NLRP11: variants seen among roughly 807,000 people sequenced by gnomAD.
NLRP11 encodes NLR family pyrin domain containing 11.
Under a neutral mutation model 79.3 loss-of-function variants are expected in NLRP11, and 53 were observed. The ratio of observed to expected loss-of-function variants is 0.67; its 90% CI spans 0.54 to 0.84. NLRP11 has a LOEUF of 0.84. Among genes scored for constraint, NLRP11 ranks in the 40% least tolerant of loss-of-function variants. The pLI is 0.00. For synonymous variants in NLRP11, 518 were observed against 462.6 expected, an observed-to-expected ratio of 1.12 and a Z score of -1.54; for missense variants, 1,264 against 1,255.0, an observed-to-expected ratio of 1.01 and a Z score of -0.11.
rs1989813060 is a variant in NLRP11 at position 55,785,520 on chromosome 19, C to G, written c.*105G>C. 4 of 997,280 alleles carry G rather than the reference C, an allele frequency of 4.0e-6. No individual in the cohort carries two copies. The South Asian group carries it at 6.4e-5, about 16-fold the overall frequency. The allele number at this position is 997,280 out of a possible 1,614,324, so 61.8% of individuals were successfully genotyped here. ...ACACACACACACACACACACACACA[C>G]ACACACACACACACACACATCAAAT... On this transcript the variant is annotated 3_prime_UTR_variant, in exon 10 of 10. Transcript: ENST00000589093.
In NLRP11 at chr19:55,789,364, T is replaced by C. The variant is rs769289325; in HGVS notation, c.2549A>G (p.Gln850Arg). 39 of 1,614,008 alleles carry C rather than the reference T, an allele frequency of 2.4e-5. No individual in the cohort carries two copies. The Admixed American group carries it at 5.7e-4, about 23-fold the overall frequency. The change falls in exon 8 of 10, where the codon CAA becomes CGA. Residue 850 changes from glutamine to arginine, a missense_variant. Gln to Arg is a conservative substitution (Grantham distance 43, BLOSUM62 1). Transcript: ENST00000589093. ...AGTAGCAATAACTATGGCAATATAT[T>C]GACAGATATCGCTGCTAAAGAAACA...
intron 9 of NLRP11, among the ~76,000 whole-genome samples, chr19:55,786,307 T>G (rs979854281): frequency 6.6e-6 from 1 of 152,076 alleles, no homozygotes; most frequent in African/African-American, 2.4e-5. Flanking sequence ...GCAGATCACT[T>G]GAGCTCAGGA....
At chr19:55,811,181 T>C (rs1225461410) in intron 2 of NLRP11, among the ~76,000 whole-genome samples, 2 of 152,142 alleles carry the variant, frequency 1.3e-5, no homozygotes, top group East Asian at 1.9e-4. Flanking sequence ...TAAATGAAAT[T>C]GTATGGAATA....
intron 1 of NLRP11, among the ~76,000 whole-genome samples, chr19:55,826,414 G>A (rs202227540): frequency 0.073 from 9,959 of 137,026 alleles, 489 homozygotes; most frequent in East Asian, 0.2. Flanking sequence ...TTCTGGCCAG[G>A]GCAATTAGGC....
At chr19:55,831,100 ACCCCCCCCAT>A (rs1982728461) in intron 1 of NLRP11, among the ~76,000 whole-genome samples, 1 of 27,522 alleles carries the variant, frequency 3.6e-5, no homozygotes, top group Non-Finnish European at 7.0e-5. Flanking sequence ...CCACCGCCCC[ACCCCCCCCAT>A]CCCCCCCACC....
At chr19:55,807,918 A>G (rs753421112) in exon 4 of NLRP11, 2 of 1,612,480 alleles carry the variant, frequency 1.2e-6, no homozygotes, top group Middle Eastern at 1.6e-4. Context: ...CTGAAATACC[A>G]TTAAGGTCAT....
intron 1 of NLRP11, among the ~76,000 whole-genome samples, 159 bp from the exon 2 acceptor site, chr19:55,818,395 C>T (rs182547337): frequency 1.3e-5 from 2 of 152,110 alleles, no homozygotes; most frequent in Admixed American, 1.3e-4. Flanking sequence ...ATGGCCTTGT[C>T]GACTGATCTT....
At position 55,823,990 on chromosome 19, in the gene NLRP11, A is replaced by T. The variant is rs1311364515; in HGVS notation, c.-62-5754T>A. Among the ~76,000 whole-genome samples, 3 of 119,810 alleles carry T rather than the reference A, an allele frequency of 2.5e-5. No homozygotes were observed. The East Asian group carries it at 7.5e-4, about 30-fold the overall frequency. The allele number at this position is 119,810 out of a possible 152,430, so 78.6% of individuals were successfully genotyped here. On this transcript the variant is annotated intron_variant, in intron 1 of 9. Coordinates refer to ENST00000589093, the Ensembl canonical transcript of NLRP11. ...ATTCACCAAAGTTGAAATGAAGGAA[A>T]AAATGTTAAGGGCAGCCAGAGAGAA... is the stretch of plus-strand genomic sequence containing the variant.
At chr19:55,795,297 G>A (rs1453934955) in intron 6 of NLRP11, among the ~76,000 whole-genome samples, 1 of 151,996 alleles carries the variant, frequency 6.6e-6, no homozygotes, top group Non-Finnish European at 1.5e-5. Flanking sequence ...AGACTCAGGG[G>A]AAAAAATCCT....
intron 1 of NLRP11, among the ~76,000 whole-genome samples, chr19:55,822,839 G>A (rs1184539988): frequency 1.3e-5 from 2 of 152,146 alleles, no homozygotes; most frequent in African/African-American, 4.8e-5. Flanking sequence ...CTGGGGGAGG[G>A]GCGCCCGCCA....
chr19:55,815,087 A>G (rs1047555252), intron 2 of NLRP11, among the ~76,000 whole-genome samples: 12 of 139,438 alleles, frequency 8.6e-5, no homozygotes, highest in Non-Finnish European at 1.8e-4. Context: ...AAAATAGAGA[A>G]CATAGACAGA....
intron 2 of NLRP11, among the ~76,000 whole-genome samples, chr19:55,811,836 C>CTTGT (rs1159660564): frequency 1.3e-5 from 2 of 151,964 alleles, no homozygotes; most frequent in African/African-American, 4.8e-5. Flanking sequence ...TATCTGTTTT[C>CTTGT]TTGTTATGCA....
At chr19:55,817,261 T>C (rs1981217362) in intron 2 of NLRP11, among the ~76,000 whole-genome samples, 1 of 152,116 alleles carries the variant, frequency 6.6e-6, no homozygotes, top group Admixed American at 6.6e-5. Flanking sequence ...TGAAAACCAG[T>C]GTGACTATTC....
At chr19:55,796,936 G>A (rs558797734) in intron 5 of NLRP11, among the ~76,000 whole-genome samples, 29 of 152,136 alleles carry the variant, frequency 1.9e-4, no homozygotes, top group Admixed American at 5.2e-4. Context: ...GGATCCACCC[G>A]CCTCGGCCTC....
At chr19:55,788,363 C>CA (rs1555800930) in intron 9 of NLRP11, among the ~76,000 whole-genome samples, 2 of 140,722 alleles carry the variant, frequency 1.4e-5, no homozygotes, top group African/African-American at 2.6e-5. Context: ...AGAGGAAAGA[C>CA]TTTTTTTTTT....
intron 2 of NLRP11, among the ~76,000 whole-genome samples, chr19:55,810,584 C>T (rs1033341615): frequency 6.6e-6 from 1 of 152,260 alleles, no homozygotes; most frequent in African/African-American, 2.4e-5. Context: ...ACAGCCTCCA[C>T]CTCCCAGGTT....
At chr19:55,822,711 A>G (rs1346799674) in intron 1 of NLRP11, among the ~76,000 whole-genome samples, 1 of 152,202 alleles carries the variant, frequency 6.6e-6, no homozygotes, top group East Asian at 1.9e-4. Context: ...TGACTGGCTT[A>G]AAAAACGGCG....
intron 2 of NLRP11, 70 bp from the exon 3 acceptor site, chr19:55,810,408 G>A (rs1980493753): frequency 3.6e-6 from 5 of 1,395,912 alleles, no homozygotes; most frequent in Non-Finnish European, 4.9e-6. Flanking sequence ...AACAGTTTTA[G>A]CTTCTTTTCA....
chr19:55,811,087 G>A lies in NLRP11; in HGVS notation c.272-749C>T, dbSNP rs118085731. Among the ~76,000 whole-genome samples the A allele has an allele frequency of 8.8e-3, 1,342 of 152,246 alleles. 5 individuals are homozygous for A. Among genetic ancestry groups the A allele is most frequent in the Non-Finnish European group, 0.014 (982 of 68,020 alleles). ...TATTACATCTTGGCCCATCAGTCAT[G>A]AGTTACACGTTCATCTTCCCTTCTA... is the stretch of plus-strand genomic sequence containing the variant. On this transcript the variant is annotated intron_variant, in intron 2 of 9. Coordinates refer to ENST00000589093, the Ensembl canonical transcript of NLRP11.
Sources: allele counts gnomAD v4.1 joint callset (sites outside exome capture counted in the v4.1 genomes callset), GRCh38; gene constraint gnomAD v4.1.1; transcripts MANE v1.5; gene names NCBI Gene and HGNC (gene_info 2026-07-23, HGNC 2026-07-21).